Variants in MGAT5B observed in about 807,000 individuals in gnomAD.
MGAT5B encodes N-acetylglucosaminyl-transferase Vb.
In MGAT5B, 54 loss-of-function variants were observed where a neutral mutation model predicts 95.1. The ratio of observed to expected loss-of-function variants is 0.57; its 90% CI spans 0.46 to 0.71. MGAT5B has a LOEUF of 0.71. MGAT5B is among the 30% of genes least tolerant of loss of function. The probability of loss-of-function intolerance (pLI) is 0.00; values close to 1 mark genes in which losing one functional copy is unlikely to be tolerated. For missense variants in MGAT5B, 935 were observed against 1,088.6 expected, an observed-to-expected ratio of 0.86 and a Z score of 1.99; for synonymous variants, 464 against 451.0, an observed-to-expected ratio of 1.03 and a Z score of -0.36.
At chr17:76,875,396 C>T (rs1012915322) in intron 2 of MGAT5B, among the ~76,000 whole-genome samples, 1 of 152,080 alleles carries the variant, frequency 6.6e-6, no homozygotes, top group African/African-American at 2.4e-5. Flanking sequence ...CGGTACTTCC[C>T]CTTCCTGCTG....
At chr17:76,902,728 TGGGTGGGCCCTGGGA>T in intron 4 of MGAT5B, 58 bp downstream of exon 4, 1 of 631,098 alleles carries the variant, frequency 1.6e-6, no homozygotes, top group Non-Finnish European at 2.8e-6. Flanking sequence ...AACTGGGTGC[TGGGTGGGCCCTGGGA>T]GGGTGGGACA....
In MGAT5B at chr17:76,906,308, A is replaced by G; in HGVS notation, c.1025+121A>G. On this transcript the variant is annotated intron_variant, in intron 8 of 17. Transcript: ENST00000569840. The surrounding 1 kb of genome is among the most constrained non-coding windows in gnomAD (Gnocchi z 4.6). ...TCTGCCTGCAGGTCCCACGGCCCTGAGACCCTGGGAGACATCCTGGTGTTC... is the reference window on the plus strand; with the variant it reads ...TCTGCCTGCAGGTCCCACGGCCCTGGGACCCTGGGAGACATCCTGGTGTTC... The G allele has an allele frequency of 1.2e-6, 1 of 849,958 alleles. No individual in the cohort carries two copies. The highest frequency in any genetic ancestry group is 1.7e-6 in the Non-Finnish European group (1 of 572,280). The allele number at this position is 849,958 out of a possible 1,614,324, so 52.7% of individuals were successfully genotyped here.
intron 16 of MGAT5B, among the ~76,000 whole-genome samples, chr17:76,947,242 C>T (rs945990185): frequency 6.6e-6 from 1 of 152,168 alleles, no homozygotes; most frequent in African/African-American, 2.4e-5. Flanking sequence ...TTGGCCCCAC[C>T]AATATTAGGG....
Position 76,870,031 on chromosome 17 carries a change from G to A in MGAT5B, c.68+934G>A, listed in dbSNP as rs1355616330. Among the ~76,000 whole-genome samples the A allele has an allele frequency of 2.0e-5, 3 of 152,326 alleles. No individual in the cohort carries two copies. In the East Asian group the frequency reaches 5.8e-4, roughly 29 times the overall value. On this transcript the variant is annotated intron_variant, in intron 1 of 17. Transcript: ENST00000569840. The surrounding 1 kb of genome is among the most constrained non-coding windows in gnomAD (Gnocchi z 5.0). ...TGGGCAGCGAGGAAGCTGGGGGAGT[G>A]ACCGCCCCGGCGCGGGGGCCGGACT...
At chr17:76,883,554 G>T (rs779094419) in intron 3 of MGAT5B, among the ~76,000 whole-genome samples, 2 of 152,152 alleles carry the variant, frequency 1.3e-5, no homozygotes, top group Non-Finnish European at 2.9e-5. Context: ...GAACAGGAGT[G>T]CGGGAGGTCA....
chr17:76,892,305 C>T (rs1233370315), intron 3 of MGAT5B, among the ~76,000 whole-genome samples: 4 of 152,248 alleles, frequency 2.6e-5, no homozygotes, highest in African/African-American at 7.2e-5. Context: ...GCCCCGGCCT[C>T]CCAAAGTGTT....
rs775814677 is a variant in MGAT5B, at chr17:76,949,051, C to T, written c.*213C>T. 19 of 609,068 alleles carry T rather than the reference C, an allele frequency of 3.1e-5. No individual in the cohort carries two copies. The highest frequency in any genetic ancestry group is 1.4e-4 in the South Asian group (7 of 50,016). The allele number at this position is 609,068 out of a possible 1,614,324, so 37.7% of individuals were successfully genotyped here. On this transcript the variant is annotated 3_prime_UTR_variant, in exon 18 of 18. Transcript: ENST00000569840. ...CCCCTGGGACCTCCCAGGCAGGCTC[C>T]GGTTCTCTCCTGGGGACTCACAGAA...
At chr17:76,933,950 G>A (rs960497846) in intron 12 of MGAT5B, among the ~76,000 whole-genome samples, 1 of 152,120 alleles carries the variant, frequency 6.6e-6, no homozygotes, top group African/African-American at 2.4e-5. Flanking sequence ...CCAACAAGGA[G>A]AAGGAAGGAG....
chr17:76,887,445 C>CCCTT (rs1395601980), intron 3 of MGAT5B, among the ~76,000 whole-genome samples: 2 of 127,332 alleles, frequency 1.6e-5, no homozygotes, highest in African/African-American at 3.0e-5. Flanking sequence ...CTCCCTCCCT[C>CCCTT]CCTTCCTTCC....
chr17:76,944,522 CT>C (rs1969975150), intron 15 of MGAT5B, among the ~76,000 whole-genome samples: 1 of 152,216 alleles, frequency 6.6e-6, no homozygotes, highest in African/African-American at 2.4e-5. Flanking sequence ...CAGCAACTGG[CT>C]GCCAGGGTCT....
intron 9 of MGAT5B, among the ~76,000 whole-genome samples, chr17:76,925,607 G>C (rs1969288179): frequency 6.6e-6 from 1 of 152,082 alleles, no homozygotes; most frequent in African/African-American, 2.4e-5. Flanking sequence ...TTTATTACGT[G>C]TGCTCCAGTC....
intron 2 of MGAT5B, among the ~76,000 whole-genome samples, chr17:76,881,103 CTG>C (rs1221404835): frequency 1.3e-5 from 2 of 152,154 alleles, no homozygotes; most frequent in Non-Finnish European, 2.9e-5. Flanking sequence ...ACCCTATGGA[CTG>C]TGTGGAGGGG....
At position 76,948,758 on chromosome 17, in the gene MGAT5B, T is replaced by C; in HGVS notation, c.2299T>C (p.Ser767Pro). 1 of 1,611,340 alleles carries C rather than the reference T, an allele frequency of 6.2e-7. No homozygotes were observed. The highest frequency in any genetic ancestry group is 8.5e-7 in the Non-Finnish European group (1 of 1,179,170). Residue 767 changes from serine (S) to proline (P), a missense_variant, in exon 18 of 18, where the codon TCC (serine) becomes CCC (proline). Around this residue, in one of 4 missense-constraint regions of MGAT5B, gnomAD observed 440 missense variants for 523.6 expected, o/e 0.84. Coordinates refer to ENST00000569840, the MANE Select transcript of MGAT5B (RefSeq NM_001199172.2). The stretch of plus-strand genomic sequence containing the variant: ...GCCTCTGCTCTTCAGCTGCGCCGGC[T>C]CCAACACCAAGTACCGCCGGCTCTG... ...KEPLLFSCAG[S>P]NTKYRRLCPC...
At chr17:76,932,523 G>A (rs1309811628) in intron 10 of MGAT5B, 122 bp from the exon 11 acceptor site, 2 of 1,439,688 alleles carry the variant, frequency 1.4e-6, no homozygotes, top group Non-Finnish European at 1.9e-6. Flanking sequence ...ACCGCACCCT[G>A]TGCCCCGCCC....
chr17:76,894,152 C>G (rs75889663), intron 3 of MGAT5B, among the ~76,000 whole-genome samples: 1 of 152,172 alleles, frequency 6.6e-6, no homozygotes, highest in African/African-American at 2.4e-5. Context: ...TAGGGCCACC[C>G]GGCTCCCTGT....
rs531821205 is a variant in MGAT5B, at chr17:76,912,415, G to A, written c.1025+6228G>A. ...TAATTTGAAAACAGGTCAATGGGAT[G>A]TGAAGGTAATCTGAATTCTGAGTGT... is the stretch of plus-strand genomic sequence containing the variant. On this transcript the variant is annotated intron_variant, in intron 8 of 17. Coordinates refer to ENST00000569840, the MANE Select transcript of MGAT5B (RefSeq NM_001199172.2). The surrounding 1 kb of genome is among the most constrained non-coding windows in gnomAD (Gnocchi z 5.0). Among the ~76,000 whole-genome samples, 12 of 152,296 alleles carry A rather than the reference G, an allele frequency of 7.9e-5. No homozygotes were observed. Among genetic ancestry groups the A allele is most frequent in the Admixed American group, 6.5e-4 (10 of 15,302 alleles).
At chr17:76,947,762 C>A in intron 16 of MGAT5B, 68 bp from the exon 17 acceptor site, 1 of 1,484,296 alleles carries the variant, frequency 6.7e-7, no homozygotes, top group Non-Finnish European at 8.9e-7. Context: ...CAGGGCCACA[C>A]CTTCAGGTGT....
chr17:76,935,331 A>G (rs867752693), intron 12 of MGAT5B, among the ~76,000 whole-genome samples: 47 of 136,986 alleles, frequency 3.4e-4, no homozygotes, highest in African/African-American at 1.1e-3. Flanking sequence ...TTCGTGTACA[A>G]TTTTTTGTAG....
chr17:76,903,477 G>A, intron 5 of MGAT5B, 101 bp downstream of exon 5: 1 of 834,252 alleles, frequency 1.2e-6, no homozygotes, highest in Non-Finnish European at 1.8e-6. Context: ...CCAACCTCAG[G>A]GAAACAGCTT....
Sources: gnomAD v4.1 joint callset for allele counts (sites outside exome capture counted in the v4.1 genomes callset) on GRCh38, gnomAD v4.1.1 for gene constraint, gnomAD v4.1.1 regional missense constraint, Gnocchi (gnomAD v3.1) non-coding constraint, MANE v1.5 for transcripts, NCBI Gene and HGNC (gene_info 2026-07-23, HGNC 2026-07-21) for gene names.